The following KCNIP4 variants were observed in gnomAD, a reference collection of about 807,000 sequenced individuals.
KCNIP4 encodes Kv channel-interacting protein 4.
KCNIP4 carries 12 observed loss-of-function variants against 34.0 expected under a neutral mutation model. That is an observed-to-expected ratio of 0.35 (90% confidence interval 0.23 to 0.57). The LOEUF (loss-of-function observed/expected upper bound fraction) is 0.57, where lower values mean the gene tolerates loss of function less well. KCNIP4 is among the 20% of genes least tolerant of loss of function. KCNIP4 has a pLI of 0.83. For synonymous variants in KCNIP4, 124 were observed against 102.2 expected (o/e 1.21, Z -1.29); for missense variants, 238 against 311.7 (o/e 0.76, Z 1.78).
intron 1 of KCNIP4, among the ~76,000 whole-genome samples, chr4:21,028,111 T>A (rs1286234785): frequency 6.6e-6 from 1 of 152,124 alleles, no homozygotes; most frequent in Non-Finnish European, 1.5e-5. Context: ...GGACCCTCCA[T>A]TAGGAACTAT....
chr4:20,893,689 G>A (rs907227515), intron 1 of KCNIP4, among the ~76,000 whole-genome samples: 4 of 151,292 alleles, frequency 2.6e-5, no homozygotes, highest in Admixed American at 2.0e-4. Context: ...TTCCCAAAGT[G>A]CTGGGATTAC....
chr4:21,506,210 C>T (rs1056777828), intron 1 of KCNIP4, among the ~76,000 whole-genome samples: 5 of 152,114 alleles, frequency 3.3e-5, no homozygotes, highest in African/African-American at 7.2e-5. Flanking sequence ...TTTTCATTTA[C>T]ATTTTCTTTT....
intron 1 of KCNIP4, among the ~76,000 whole-genome samples, chr4:20,892,046 C>G (rs1465726502): frequency 6.6e-6 from 1 of 152,136 alleles, no homozygotes; most frequent in East Asian, 1.9e-4. Flanking sequence ...GTTATTGGAT[C>G]TTGCAGTCAG....
intron 1 of KCNIP4, among the ~76,000 whole-genome samples, chr4:21,310,927 C>G (rs559974917): frequency 6.6e-6 from 1 of 152,136 alleles, no homozygotes; most frequent in African/African-American, 2.4e-5. Context: ...TATGCCTGGT[C>G]TGAGAAATGC....
At chr4:21,346,214 A>T (rs1285669650) in intron 1 of KCNIP4, among the ~76,000 whole-genome samples, 1 of 50,166 alleles carries the variant, frequency 2.0e-5, no homozygotes, top group East Asian at 4.0e-4. Context: ...TATAATATAT[A>T]TTATATATAA....
intron 1 of KCNIP4, among the ~76,000 whole-genome samples, chr4:21,892,115 A>T (rs1053126989): frequency 6.6e-6 from 1 of 152,098 alleles, no homozygotes; most frequent in Non-Finnish European, 1.5e-5. Flanking sequence ...TGCTGTTGTC[A>T]ATAGCTAAAA....
chr4:21,320,169 C>T (rs373635079), intron 1 of KCNIP4, among the ~76,000 whole-genome samples: 12 of 152,296 alleles, frequency 7.9e-5, no homozygotes, highest in African/African-American at 2.6e-4. Flanking sequence ...TCATTACAGA[C>T]ACAACAACAA....
chr4:21,274,837 G>A (rs1297112419), intron 1 of KCNIP4, among the ~76,000 whole-genome samples: 3 of 152,082 alleles, frequency 2.0e-5, no homozygotes, highest in African/African-American at 7.2e-5. Flanking sequence ...TTAGTAAAGA[G>A]GAGGGTATCT....
chr4:20,737,524 T>A (rs1358265725), intron 5 of KCNIP4, among the ~76,000 whole-genome samples: 2 of 148,956 alleles, frequency 1.3e-5, no homozygotes. Context: ...AGGGAGTTGA[T>A]ACATGAGACA....
chr4:20,976,030 T>C (rs929659571), intron 1 of KCNIP4, among the ~76,000 whole-genome samples: 1 of 152,140 alleles, frequency 6.6e-6, no homozygotes, highest in African/African-American at 2.4e-5. Flanking sequence ...AAACCCAAAA[T>C]GTTTACTACT....
chr4:21,126,217 C>T (rs1216971770), intron 1 of KCNIP4, among the ~76,000 whole-genome samples: 1 of 152,090 alleles, frequency 6.6e-6, no homozygotes, highest in Non-Finnish European at 1.5e-5. Context: ...AAATTAAGAT[C>T]AGTGTTTGGA....
chr4:21,367,282 C>T (rs901992052), intron 1 of KCNIP4, among the ~76,000 whole-genome samples: 5 of 152,194 alleles, frequency 3.3e-5, no homozygotes, highest in African/African-American at 9.7e-5. Flanking sequence ...ACCAAATTAA[C>T]ATGCATGGAC....
At chr4:20,779,100 T>C (rs994287117) in intron 3 of KCNIP4, among the ~76,000 whole-genome samples, 1 of 152,134 alleles carries the variant, frequency 6.6e-6, no homozygotes, top group Non-Finnish European at 1.5e-5. Flanking sequence ...TCTTTTCTTT[T>C]ATACAGGAAG....
chr4:20,865,777 C>G (rs1278124836), intron 2 of KCNIP4, among the ~76,000 whole-genome samples: 1 of 151,954 alleles, frequency 6.6e-6, no homozygotes, highest in Non-Finnish European at 1.5e-5. Context: ...ATCTAAATTA[C>G]AACATGAAAA....
At chr4:21,253,947 A>G (rs1003958128) in intron 1 of KCNIP4, among the ~76,000 whole-genome samples, 2 of 152,230 alleles carry the variant, frequency 1.3e-5, no homozygotes, top group East Asian at 1.9e-4. Context: ...AAAAGACACA[A>G]AAGGTCACAG....
chr4:21,416,245 G>A lies in KCNIP4; in HGVS notation c.61+532326C>T, dbSNP rs28558221. 6.3e-3 allele frequency among the ~76,000 whole-genome samples: 964 copies of A among 152,270 alleles called. 13 individuals are homozygous for A. The highest frequency in any genetic ancestry group is 0.022 in the African/African-American group (915 of 41,556). ...CATACTTTTTAATATAAGGGTAGTG[G>A]CACATAAGTGAAAATGGAATACACA... On this transcript the variant is annotated intron_variant, in intron 1 of 8. Coordinates refer to ENST00000382152, the MANE Select transcript of KCNIP4 (RefSeq NM_025221.6).
rs370755699 is a variant in KCNIP4 at position 20,882,623 on chromosome 4, A to T, written c.148T>A (p.Ser50Thr). 5 of 1,612,994 alleles carry T rather than the reference A, an allele frequency of 3.1e-6. No individual in the cohort carries two copies. Among genetic ancestry groups the T allele is most frequent in the Non-Finnish European group, 4.2e-6 (5 of 1,179,532 alleles). Residue 50 changes from serine to threonine, a missense_variant, in exon 2 of 9, where the codon TCT becomes ACT. Physicochemically the swap from Ser to Thr is moderately conservative, Grantham distance 58. Transcript: ENST00000382152. ...LLPCSAAKTS[S>T]PAIQNSVEDE... is the part of the protein sequence containing the mutation. The stretch of plus-strand genomic sequence containing the variant: ...ACAAACTTGCTTTGAATAGCAGGAG[A>T]CGACGTTTTGGCAGCTGAGCAGGGC...
At chr4:21,192,253 T>C (rs1403391661) in intron 1 of KCNIP4, among the ~76,000 whole-genome samples, 3 of 152,186 alleles carry the variant, frequency 2.0e-5, no homozygotes, top group Non-Finnish European at 4.4e-5. Flanking sequence ...TTAGGGCACA[T>C]TATCAGTTGA....
chr4:21,200,711 T>C (rs1756429926), intron 1 of KCNIP4, among the ~76,000 whole-genome samples: 1 of 151,814 alleles, frequency 6.6e-6, no homozygotes, highest in Non-Finnish European at 1.5e-5. Context: ...TGGTGATGCG[T>C]ACATTAAAAT....
Sources: gnomAD v4.1 joint callset for allele counts (sites outside exome capture counted in the v4.1 genomes callset) on GRCh38, gnomAD v4.1.1 for gene constraint, MANE v1.5 for transcripts, NCBI Gene and HGNC (gene_info 2026-07-23, HGNC 2026-07-21) for gene names.